The following KCND2 variants were observed in gnomAD, a reference collection of about 807,000 sequenced individuals.
KCND2 encodes potassium voltage-gated channel subfamily D member 2.
Under a neutral mutation model 54.4 loss-of-function variants are expected in KCND2, and 16 were observed. That is an observed-to-expected ratio of 0.29 (90% CI 0.20 to 0.45). The LOEUF (loss-of-function observed/expected upper bound fraction) is 0.45, where lower values mean the gene tolerates loss of function less well. KCND2 is among the 20% of genes least tolerant of loss of function. The probability of loss-of-function intolerance (pLI) is 1.00; values close to 1 mark genes in which losing one functional copy is unlikely to be tolerated. For synonymous variants in KCND2, 317 were observed against 310.7 expected, an observed-to-expected ratio of 1.02 and a Z score of -0.21; for missense variants, 486 against 824.2, an observed-to-expected ratio of 0.59 and a Z score of 5.02.
intron 1 of KCND2, among the ~76,000 whole-genome samples, chr7:120,437,305 C>T (rs1226635708): frequency 2.7e-5 from 4 of 149,634 alleles, no homozygotes; most frequent in African/African-American, 7.5e-5. Context: ...GAGATGCAAG[C>T]GATTCTCCTG....
chr7:120,568,103 G>A (rs1320259309), intron 1 of KCND2, among the ~76,000 whole-genome samples: 1 of 151,836 alleles, frequency 6.6e-6, no homozygotes, highest in Non-Finnish European at 1.5e-5. Context: ...ACTTAAATAA[G>A]CCTTTTCTCA....
chr7:120,567,794 C>G (rs1033848821), intron 1 of KCND2, among the ~76,000 whole-genome samples: 3 of 152,078 alleles, frequency 2.0e-5, no homozygotes, highest in Non-Finnish European at 4.4e-5. Flanking sequence ...ACACCAACAT[C>G]ATGGGTGTCA....
At chr7:120,573,983 T>G (rs182124213) in intron 1 of KCND2, among the ~76,000 whole-genome samples, 2 of 152,332 alleles carry the variant, frequency 1.3e-5, no homozygotes, top group East Asian at 3.9e-4. Flanking sequence ...TACATCATTT[T>G]AACAAGTAAG....
intron 1 of KCND2, among the ~76,000 whole-genome samples, chr7:120,547,493 CATAGATA>C (rs1792055495): frequency 6.6e-6 from 1 of 151,818 alleles, no homozygotes; most frequent in African/African-American, 2.4e-5. Flanking sequence ...AGCAGAAACT[CATAGATA>C]TGTTTGTTGT....
Position 120,275,315 on chromosome 7 carries a change from CCTT to C in KCND2, c.689_691del (p.Phe230del), listed in dbSNP as rs1799157757. On this transcript the variant is annotated inframe_deletion, in exon 1 of 6. Transcript: ENST00000331113. ...CCCTGTGGAGAGCGGTATGCTGTGG[CCTT>C]CTTCTGCTTGGACACGGCCTGCGTC... is the stretch of plus-strand genomic sequence containing the variant. 6 of 1,613,740 alleles carry C rather than the reference CCTT, an allele frequency of 3.7e-6. No individual in the cohort carries two copies. Among genetic ancestry groups the C allele is most frequent in the Non-Finnish European group, 5.1e-6 (6 of 1,179,946 alleles).
At chr7:120,448,124 C>T (rs918420952) in intron 1 of KCND2, among the ~76,000 whole-genome samples, 1 of 152,086 alleles carries the variant, frequency 6.6e-6, no homozygotes, top group Non-Finnish European at 1.5e-5. Context: ...TGGTGTGCTG[C>T]ACCCATTAAC....
Position 120,728,478 on chromosome 7 carries a change from A to C in KCND2, c.1116-4425A>C, listed in dbSNP as rs192340741. 2.5e-3 allele frequency among the ~76,000 whole-genome samples: 375 copies of C among 151,998 alleles called. 3 individuals carry two copies. Among genetic ancestry groups the C allele is most frequent in the Admixed American group, 6.8e-3 (104 of 15,260 alleles). On this transcript the variant is annotated intron_variant, in intron 1 of 5. Transcript: ENST00000331113. ...GGCTAACATTGTATCTGTAGTAGAG[A>C]TGGGGTTTCTCCATGTTGGTCAGGC...
At chr7:120,702,021 C>A (rs192561742) in intron 1 of KCND2, among the ~76,000 whole-genome samples, 132 of 152,062 alleles carry the variant, frequency 8.7e-4, no homozygotes, top group Non-Finnish European at 1.6e-3. Context: ...ACAAACACTC[C>A]ACAGAATGAA....
chr7:120,427,283 C>T (rs1157788556), intron 1 of KCND2, among the ~76,000 whole-genome samples: 1 of 152,138 alleles, frequency 6.6e-6, no homozygotes, highest in Non-Finnish European at 1.5e-5. Flanking sequence ...TATCTCTCAC[C>T]CTTTCCTCAC....
intron 1 of KCND2, among the ~76,000 whole-genome samples, chr7:120,470,110 CAAG>C (rs1802432861): frequency 6.6e-6 from 1 of 151,884 alleles, no homozygotes; most frequent in African/African-American, 2.4e-5. Flanking sequence ...CTTTTAGTTG[CAAG>C]AAGATTAATA....
chr7:120,586,073 T>A (rs1243954943), intron 1 of KCND2, among the ~76,000 whole-genome samples: 1 of 152,120 alleles, frequency 6.6e-6, no homozygotes, highest in Non-Finnish European at 1.5e-5. Context: ...TTCTATAGAT[T>A]GTTTTTTCTA....
intron 1 of KCND2, among the ~76,000 whole-genome samples, chr7:120,641,641 T>A (rs1276888458): frequency 6.6e-6 from 1 of 152,104 alleles, no homozygotes; most frequent in Non-Finnish European, 1.5e-5. Flanking sequence ...TGCAATGACA[T>A]GAAATGAAGT....
At chr7:120,319,483 A>G (rs1047095562) in intron 1 of KCND2, among the ~76,000 whole-genome samples, 7 of 152,110 alleles carry the variant, frequency 4.6e-5, no homozygotes, top group African/African-American at 1.7e-4. Flanking sequence ...ACAGTAGATA[A>G]TCTTTTAGAC....
At chr7:120,321,111 G>A (rs1174759616) in intron 1 of KCND2, among the ~76,000 whole-genome samples, 1 of 151,940 alleles carries the variant, frequency 6.6e-6, no homozygotes, top group Non-Finnish European at 1.5e-5. Context: ...AGATATTTTT[G>A]TAGATTTTTG....
intron 1 of KCND2, among the ~76,000 whole-genome samples, chr7:120,560,246 A>G (rs529638925): frequency 1.3e-5 from 2 of 152,296 alleles, no homozygotes; most frequent in Non-Finnish European, 2.9e-5. Flanking sequence ...TTTGCAGTTC[A>G]TTTTTATTAC....
chr7:120,618,674 A>G (rs1372987616), intron 1 of KCND2, among the ~76,000 whole-genome samples: 3 of 152,108 alleles, frequency 2.0e-5, no homozygotes, highest in Non-Finnish European at 4.4e-5. Flanking sequence ...ATTAATTTAC[A>G]CGGAACTGTT....
chr7:120,746,172 GA>G, intron 5 of KCND2, 145 bp downstream of exon 5: 1 of 899,424 alleles, frequency 1.1e-6, no homozygotes, highest in Non-Finnish European at 1.8e-6. Flanking sequence ...TAACAAGTAG[GA>G]AAATGGTTCT....
At chr7:120,353,632 C>T (rs534550688) in intron 1 of KCND2, among the ~76,000 whole-genome samples, 13 of 152,112 alleles carry the variant, frequency 8.5e-5, no homozygotes, top group Admixed American at 3.3e-4. Context: ...ATCTATAGGG[C>T]GTCTAGTAGA....
chr7:120,398,374 A>G (rs931746293), intron 1 of KCND2, among the ~76,000 whole-genome samples: 1 of 151,950 alleles, frequency 6.6e-6, no homozygotes, highest in Non-Finnish European at 1.5e-5. Flanking sequence ...AGCACCTACT[A>G]TTTTCCAGGC....
Sources: gnomAD v4.1 joint callset for allele counts (sites outside exome capture counted in the v4.1 genomes callset) on GRCh38, gnomAD v4.1.1 for gene constraint, MANE v1.5 for transcripts, NCBI Gene and HGNC (gene_info 2026-07-23, HGNC 2026-07-21) for gene names.